The following MALRD1 variants were observed in gnomAD, a reference collection of about 807,000 sequenced individuals.
MALRD1 encodes MAM and LDL receptor class A domain containing 1.
Under a neutral mutation model 242.1 loss-of-function variants are expected in MALRD1, and 247 were observed. That is an observed-to-expected ratio of 1.02 (90% CI 0.92 to 1.13). The LOEUF is 1.13. MALRD1 is among the 50% of genes most tolerant of loss of function. The pLI, the probability that MALRD1 is intolerant of heterozygous loss-of-function variation, is 0.00. For synonymous variants in MALRD1, 995 were observed against 866.6 expected (o/e 1.15, Z -2.60); for missense variants, 2,989 against 2,533.1 (o/e 1.18, Z -3.86).
intron 38 of MALRD1, among the ~76,000 whole-genome samples, chr10:19,706,752 G>A (rs180872811): frequency 6.6e-6 from 1 of 152,162 alleles, no homozygotes; most frequent in African/African-American, 2.4e-5. Context: ...AAGGATAGCA[G>A]TTGGATCTAG....
intron 21 of MALRD1, among the ~76,000 whole-genome samples, chr10:19,321,886 T>C (rs1842926743): frequency 6.6e-6 from 1 of 152,122 alleles, no homozygotes; most frequent in Admixed American, 6.6e-5. Flanking sequence ...AAAATTATTC[T>C]AAGTGATGTG....
At chr10:19,166,237 T>C (rs576523125) in intron 13 of MALRD1, among the ~76,000 whole-genome samples, 14 of 152,342 alleles carry the variant, frequency 9.2e-5, no homozygotes, top group African/African-American at 3.1e-4. Context: ...TTAATCCTAT[T>C]GCCTCACTTT....
intron 12 of MALRD1, among the ~76,000 whole-genome samples, chr10:19,164,585 G>A (rs2131501647): frequency 6.6e-6 from 1 of 152,214 alleles, no homozygotes; most frequent in South Asian, 2.1e-4. Flanking sequence ...AAAAACATTT[G>A]ACTGCAGCAT....
intron 31 of MALRD1, among the ~76,000 whole-genome samples, chr10:19,510,461 C>T (rs117623355): frequency 0.11 from 14,736 of 134,172 alleles, 723 homozygotes; most frequent in South Asian, 0.13. Context: ...GAGTTCCCTG[C>T]AGCCTTCCGC....
At chr10:19,476,465 A>T (rs1243159389) in intron 29 of MALRD1, among the ~76,000 whole-genome samples, 1 of 151,870 alleles carries the variant, frequency 6.6e-6, no homozygotes, top group Non-Finnish European at 1.5e-5. Flanking sequence ...CCACTGAGAG[A>T]CATACTCCCT....
At chr10:19,730,330 C>A (rs1243763828) in intron 38 of MALRD1, among the ~76,000 whole-genome samples, 1 of 152,182 alleles carries the variant, frequency 6.6e-6, no homozygotes. Flanking sequence ...TAAAGGACTT[C>A]AAGATGGCCT....
At chr10:19,709,207 A>C (rs1407919981) in intron 38 of MALRD1, among the ~76,000 whole-genome samples, 1 of 148,712 alleles carries the variant, frequency 6.7e-6, no homozygotes, top group Non-Finnish European at 1.5e-5. Context: ...GAAGTTCAAG[A>C]CCAGCTTGGC....
rs149389906 is a variant in MALRD1 at position 19,665,775 on chromosome 10, A to G, written c.6138-26507A>G. Among the ~76,000 whole-genome samples the G allele has an allele frequency of 3.7e-3, 569 of 152,200 alleles. 5 individuals are homozygous for G. Among genetic ancestry groups the G allele is most frequent in the African/African-American group, 0.013 (557 of 41,534 alleles). Reference sequence around the variant, plus strand: ...TTTTGCAGAATACATTTGCTCATCTAAATTAATCCTGTCCTCTCTCCATTT... The same window carrying G: ...TTTTGCAGAATACATTTGCTCATCTGAATTAATCCTGTCCTCTCTCCATTT... On this transcript the variant is annotated intron_variant, in intron 36 of 39. Coordinates refer to ENST00000454679, the MANE Select transcript of MALRD1 (RefSeq NM_001142308.3).
intron 10 of MALRD1, among the ~76,000 whole-genome samples, chr10:19,143,266 T>A (rs757063737): frequency 6.6e-4 from 101 of 152,360 alleles, no homozygotes; most frequent in Non-Finnish European, 1.0e-3. Flanking sequence ...TCTTTCTTTA[T>A]GTCTTTGCGG....
intron 29 of MALRD1, among the ~76,000 whole-genome samples, chr10:19,472,896 T>C (rs960060390): frequency 6.6e-6 from 1 of 151,478 alleles, no homozygotes; most frequent in African/African-American, 2.4e-5. Context: ...ATTTCTGTTC[T>C]AATCATGATT....
chr10:19,287,091 A>C (rs548268013), intron 21 of MALRD1, among the ~76,000 whole-genome samples: 1 of 152,250 alleles, frequency 6.6e-6, no homozygotes, highest in South Asian at 2.1e-4. Flanking sequence ...CACATGTAAC[A>C]AATTTTTATC....
intron 18 of MALRD1, among the ~76,000 whole-genome samples, chr10:19,247,932 C>T (rs1316028943): frequency 6.6e-6 from 1 of 151,904 alleles, no homozygotes; most frequent in East Asian, 1.9e-4. Context: ...AGAGCTCCAC[C>T]CAGTAACATG....
chr10:19,652,033 G>T (rs968080750), intron 36 of MALRD1, among the ~76,000 whole-genome samples: 1 of 152,150 alleles, frequency 6.6e-6, no homozygotes, highest in Non-Finnish European at 1.5e-5. Context: ...TAGCCTTGGG[G>T]CGATACTGTC....
chr10:19,539,608 GA>G (rs932506513), intron 32 of MALRD1, among the ~76,000 whole-genome samples: 28 of 152,216 alleles, frequency 1.8e-4, no homozygotes, highest in Admixed American at 1.8e-3. Context: ...CGATATGGGG[GA>G]TGCTATAAGT....
At chr10:19,719,219 C>CATATATATAT (rs1290415118) in intron 38 of MALRD1, among the ~76,000 whole-genome samples, 6 of 30,330 alleles carry the variant, frequency 2.0e-4, no homozygotes, top group Admixed American at 5.9e-4. Context: ...TATACACATA[C>CATATATATAT]ATACATATAT....
intron 11 of MALRD1, among the ~76,000 whole-genome samples, chr10:19,151,890 T>G (rs561656927): frequency 6.6e-6 from 1 of 152,302 alleles, no homozygotes; most frequent in Non-Finnish European, 1.5e-5. Context: ...TATTATTCAT[T>G]TCTTTATTCT....
chr10:19,329,959 A>T (rs1234124153), intron 23 of MALRD1, among the ~76,000 whole-genome samples: 2 of 152,190 alleles, frequency 1.3e-5, no homozygotes. Flanking sequence ...TCATTGCATT[A>T]TCTGATTTCT....
chr10:19,389,572 C>A lies in MALRD1; in HGVS notation c.4808C>A (p.Ser1603Tyr). 1.9e-6 allele frequency: 3 copies of A among 1,550,644 alleles called. No individual in the cohort carries two copies. The highest frequency in any genetic ancestry group is 2.6e-6 in the Non-Finnish European group (3 of 1,146,938). Reference sequence around the variant, plus strand: ...ACCATGAGCTTCTGGTATTTCGTATCTGCAAAGGCCACAGGATCCATTCAG... The same window carrying A: ...ACCATGAGCTTCTGGTATTTCGTATATGCAAAGGCCACAGGATCCATTCAG... ...ACTMSFWYFV[S>Y]AKATGSIQIL... is the part of the protein sequence containing the mutation. The change falls in exon 28 of 40, where the codon TCT becomes TAT. Residue 1603 changes from serine (S) to tyrosine (Y), a missense_variant. Physicochemically the swap from Ser to Tyr is moderately radical, Grantham distance 144 (BLOSUM62 -2). Coordinates refer to ENST00000454679, the MANE Select transcript of MALRD1 (RefSeq NM_001142308.3).
intron 38 of MALRD1, chr10:19,710,237 T>C (rs901906728): frequency 2.6e-5 from 4 of 152,186 alleles, no homozygotes; most frequent in African/African-American, 9.7e-5. Flanking sequence ...AAAAGCAGTG[T>C]CTGGCAGCTG....
Sources: gnomAD v4.1 joint callset for allele counts (sites outside exome capture counted in the v4.1 genomes callset) on GRCh38, gnomAD v4.1.1 for gene constraint, MANE v1.5 for transcripts, NCBI Gene and HGNC (gene_info 2026-07-23, HGNC 2026-07-21) for gene names.